Variants in SUCLG2 observed in about 807,000 individuals in gnomAD.
The protein encoded by SUCLG2 is succinate-CoA ligase GDP-forming subunit beta.
A neutral mutation model predicts 47.9 loss-of-function variants in SUCLG2; 42 were observed. That is an observed-to-expected ratio of 0.88 (90% CI 0.69 to 1.14). SUCLG2 has a LOEUF of 1.14. Among genes scored for constraint, SUCLG2 ranks in the 50% most tolerant of loss-of-function variants. The probability of loss-of-function intolerance (pLI) is 0.00; values close to 1 mark genes in which losing one functional copy is unlikely to be tolerated. For synonymous variants in SUCLG2, 195 were observed against 197.3 expected (o/e 0.99, Z 0.10); for missense variants, 571 against 525.9 (o/e 1.09, Z -0.84).
chr3:67,430,020 T>C (rs1406528947), intron 9 of SUCLG2, among the ~76,000 whole-genome samples: 1 of 152,132 alleles, frequency 6.6e-6, no homozygotes, highest in African/African-American at 2.4e-5. Flanking sequence ...AACACCCCAC[T>C]ATCAACATTA....
Position 67,375,128 on chromosome 3 carries a change from T to G in SUCLG2, c.*616A>C. 2.0e-6 allele frequency: 2 copies of G among 985,540 alleles called. No individual in the cohort carries two copies. Among genetic ancestry groups the G allele is most frequent in the Non-Finnish European group, 2.4e-6 (2 of 829,714 alleles). 61.0% of individuals were successfully genotyped at this position (985,540 alleles called of 1,614,324 possible). A position where few individuals can be genotyped will look rare whatever the true frequency, so the allele number is the denominator to read the frequency against. ...TATTAAGGCAAATGGTAAAAACACA[T>G]GGATGGTATATTAATGCAGATATTC... On this transcript the variant is annotated 3_prime_UTR_variant, in exon 11 of 11. Transcript: ENST00000307227.
chr3:67,371,119 T>C (rs1701947649), downstream of SUCLG2, among the ~76,000 whole-genome samples: 1 of 152,218 alleles, frequency 6.6e-6, no homozygotes, highest in African/African-American at 2.4e-5. Flanking sequence ...TGGCTTACTT[T>C]CATTTTTTTC....
intron 2 of SUCLG2, among the ~76,000 whole-genome samples, chr3:67,566,354 G>T (rs1045134371): frequency 6.6e-6 from 1 of 151,858 alleles, no homozygotes; most frequent in African/African-American, 2.4e-5. Context: ...ACATTTGGGG[G>T]GGATATTTTA....
At chr3:67,618,985 G>C (rs918865467) in intron 1 of SUCLG2, among the ~76,000 whole-genome samples, 1 of 152,194 alleles carries the variant, frequency 6.6e-6, no homozygotes, top group African/African-American at 2.4e-5. Context: ...ATCTCTGATA[G>C]TGCCACATGT....
At chr3:67,465,607 T>C (rs1704449956) in intron 9 of SUCLG2, among the ~76,000 whole-genome samples, 1 of 152,230 alleles carries the variant, frequency 6.6e-6, no homozygotes, top group African/African-American at 2.4e-5. Flanking sequence ...TCCCCTGGGC[T>C]GCTCCCAGCC....
intron 1 of SUCLG2, among the ~76,000 whole-genome samples, chr3:67,622,462 ATACTT>A (rs1453481047): frequency 6.6e-6 from 1 of 152,218 alleles, no homozygotes; most frequent in Non-Finnish European, 1.5e-5. Flanking sequence ...TTCATCACTT[ATACTT>A]TACGTCTTTT....
intron 10 of SUCLG2, among the ~76,000 whole-genome samples, chr3:67,367,670 G>C (rs1039967877): frequency 6.6e-6 from 1 of 152,178 alleles, no homozygotes; most frequent in Non-Finnish European, 1.5e-5. Flanking sequence ...CTAGAAGTGA[G>C]GAGTGTCTCC....
chr3:67,623,956 C>CCCTG (rs1700779561), intron 1 of SUCLG2, among the ~76,000 whole-genome samples: 1 of 152,200 alleles, frequency 6.6e-6, no homozygotes, highest in African/African-American at 2.4e-5. Context: ...TCTCACAGGG[C>CCCTG]CCTGCTACCA....
chr3:67,551,826 T>A (rs1344292601), intron 2 of SUCLG2, among the ~76,000 whole-genome samples: 3 of 152,166 alleles, frequency 2.0e-5, no homozygotes, highest in African/African-American at 7.2e-5. Flanking sequence ...TCACCTCGTT[T>A]ATCTTCACAG....
At chr3:67,438,174 G>C (rs150050484) in intron 9 of SUCLG2, among the ~76,000 whole-genome samples, 483 of 152,258 alleles carry the variant, frequency 3.2e-3, no homozygotes, top group Admixed American at 7.3e-3. Context: ...TAAGTTCTTT[G>C]AAACCAATGA....
chr3:67,452,358 T>G (rs1704075871), intron 9 of SUCLG2, among the ~76,000 whole-genome samples: 1 of 152,210 alleles, frequency 6.6e-6, no homozygotes, highest in South Asian at 2.1e-4. Context: ...GAATTATGCC[T>G]ATTGAAATAT....
intron 9 of SUCLG2, among the ~76,000 whole-genome samples, chr3:67,450,432 A>G (rs372612680): frequency 2.0e-5 from 3 of 152,338 alleles, no homozygotes; most frequent in Admixed American, 6.5e-5. Context: ...ATTGGCACCA[A>G]GAGACTTTCT....
intron 9 of SUCLG2, among the ~76,000 whole-genome samples, chr3:67,486,662 T>G (rs1395557756): frequency 9.2e-5 from 14 of 152,180 alleles, no homozygotes. Flanking sequence ...CTCTGTAGGG[T>G]ACATCCCAGG....
downstream of SUCLG2, among the ~76,000 whole-genome samples, chr3:67,374,290 T>C (rs1439248584): frequency 6.6e-6 from 1 of 152,220 alleles, no homozygotes. Flanking sequence ...ATGACTTTCA[T>C]ACTTTTGTCC....
intron 9 of SUCLG2, among the ~76,000 whole-genome samples, chr3:67,484,695 TAAAG>T (rs931077494): frequency 2.0e-5 from 3 of 152,090 alleles, no homozygotes; most frequent in Admixed American, 2.0e-4. Flanking sequence ...AGTGAATAAA[TAAAG>T]AGATTATTCA....
At chr3:67,589,824 T>A (rs1296903824) in intron 2 of SUCLG2, among the ~76,000 whole-genome samples, 1 of 152,090 alleles carries the variant, frequency 6.6e-6, no homozygotes, top group East Asian at 1.9e-4. Context: ...GGGGAGGTAA[T>A]CCCTAATCCC....
At chr3:67,526,080 C>T (rs946827754) in intron 4 of SUCLG2, among the ~76,000 whole-genome samples, 13 of 152,140 alleles carry the variant, frequency 8.5e-5, no homozygotes, top group Non-Finnish European at 1.6e-4. Context: ...GATCAGTGCA[C>T]CGCCATTTAG....
intron 10 of SUCLG2, among the ~76,000 whole-genome samples, chr3:67,393,403 G>A (rs184805542): frequency 1.1e-4 from 17 of 152,316 alleles, no homozygotes; most frequent in Non-Finnish European, 2.2e-4. Flanking sequence ...CTACGCCCAC[G>A]GAGTCTCACT....
intron 2 of SUCLG2, among the ~76,000 whole-genome samples, chr3:67,582,146 A>G (rs1707894711): frequency 6.6e-6 from 1 of 152,202 alleles, no homozygotes; most frequent in African/African-American, 2.4e-5. Context: ...TCAGGGGTAC[A>G]TGTACAGTTT....
Sources: gnomAD v4.1 joint callset for allele counts (sites outside exome capture counted in the v4.1 genomes callset) on GRCh38, gnomAD v4.1.1 for gene constraint, MANE v1.5 for transcripts, NCBI Gene and HGNC (gene_info 2026-07-23, HGNC 2026-07-21) for gene names.